Variants in PCDH15 observed in about 807,000 individuals in gnomAD.
The protein encoded by PCDH15 is protocadherin-15.
PCDH15 carries 129 observed loss-of-function variants against 178.5 expected under a neutral mutation model. That is an observed-to-expected ratio of 0.72 (90% CI 0.63 to 0.84). The LOEUF is 0.84. PCDH15 is among the 40% of genes least tolerant of loss of function. The pLI, the probability that PCDH15 is intolerant of heterozygous loss-of-function variation, is 0.00. For synonymous variants in PCDH15, 800 were observed against 732.0 expected (o/e 1.09, Z -1.50); for missense variants, 2,230 against 2,099.9 (o/e 1.06, Z -1.21).
intron 2 of PCDH15, among the ~76,000 whole-genome samples, chr10:54,998,406 A>G (rs938622608): frequency 6.6e-6 from 1 of 152,122 alleles, no homozygotes. Context: ...AAAAAAAAGA[A>G]AAATGTAGTT....
chr10:55,300,850 A>G (rs1038069035), intron 1 of PCDH15, among the ~76,000 whole-genome samples: 1 of 152,190 alleles, frequency 6.6e-6, no homozygotes, highest in Non-Finnish European at 1.5e-5. Context: ...GACCGAAGAC[A>G]ACATATTGCA....
chr10:54,087,827 G>A (rs1482915082), intron 16 of PCDH15, among the ~76,000 whole-genome samples: 4 of 152,124 alleles, frequency 2.6e-5, no homozygotes, highest in Non-Finnish European at 5.9e-5. Context: ...GCTCATGGGG[G>A]CAGTTTCTCA....
At chr10:55,474,719 G>A (rs1470068491) in intron 2 of PCDH15, among the ~76,000 whole-genome samples, 1 of 152,126 alleles carries the variant, frequency 6.6e-6, no homozygotes, top group Non-Finnish European at 1.5e-5. Context: ...ACAATTTGCT[G>A]CCTCTCAATT....
chr10:53,964,963 C>G (rs1335979392), intron 21 of PCDH15, among the ~76,000 whole-genome samples: 1 of 151,970 alleles, frequency 6.6e-6, no homozygotes, highest in Non-Finnish European at 1.5e-5. Flanking sequence ...GAGTTGTTAG[C>G]TATCAGTTTG....
intron 1 of PCDH15, among the ~76,000 whole-genome samples, chr10:55,202,814 C>A (rs1033933107): frequency 6.6e-6 from 1 of 152,100 alleles, no homozygotes; most frequent in Admixed American, 6.5e-5. Flanking sequence ...TTTGGAAGTT[C>A]CTGCTTCGCT....
intron 8 of PCDH15, among the ~76,000 whole-genome samples, chr10:54,269,117 CTG>C (rs1335623346): frequency 6.6e-6 from 1 of 151,804 alleles, no homozygotes; most frequent in Non-Finnish European, 1.5e-5. Flanking sequence ...AAAATTTAAT[CTG>C]GAGAATATAT....
At chr10:54,744,949 A>T (rs1005869078) in intron 1 of PCDH15, among the ~76,000 whole-genome samples, 11 of 151,812 alleles carry the variant, frequency 7.2e-5, no homozygotes, top group Non-Finnish European at 1.3e-4. Flanking sequence ...TGTGTGTGTG[A>T]ATGTTTCTCA....
intron 1 of PCDH15, among the ~76,000 whole-genome samples, chr10:55,273,727 A>G (rs1437884607): frequency 6.6e-6 from 1 of 152,118 alleles, no homozygotes; most frequent in Non-Finnish European, 1.5e-5. Flanking sequence ...TAATTTATAG[A>G]GAGATGTAGA....
At chr10:55,449,391 T>C (rs1386338133) in intron 2 of PCDH15, among the ~76,000 whole-genome samples, 4 of 151,962 alleles carry the variant, frequency 2.6e-5, no homozygotes, top group South Asian at 2.1e-4. Context: ...TAACAAATCA[T>C]AGGAGACTCA....
At chr10:53,881,007 C>T (rs1274323021) in intron 26 of PCDH15, among the ~76,000 whole-genome samples, 8 of 152,086 alleles carry the variant, frequency 5.3e-5, no homozygotes, top group Non-Finnish European at 1.0e-4. Context: ...TGTTTAAAAA[C>T]ACACATATGT....
intron 2 of PCDH15, among the ~76,000 whole-genome samples, chr10:55,581,489 G>GT (rs35484370): frequency 0.74 from 112,117 of 151,228 alleles, 42,408 homozygotes; most frequent in East Asian, 0.99. Context: ...TATTTGCTCT[G>GT]TTTTTTTTAA....
At chr10:54,776,322 TA>T (rs1949699195) in intron 1 of PCDH15, among the ~76,000 whole-genome samples, 1 of 152,242 alleles carries the variant, frequency 6.6e-6, no homozygotes, top group Admixed American at 6.5e-5. Flanking sequence ...CATTTTAATT[TA>T]AGGAGGTATT....
intron 3 of PCDH15, among the ~76,000 whole-genome samples, chr10:54,450,130 AAT>A (rs10526141): frequency 0.13 from 18,350 of 137,006 alleles, 1,249 homozygotes; most frequent in East Asian, 0.26. Context: ...CTTTTTTATA[AAT>A]ATATATATAT....
upstream of PCDH15, among the ~76,000 whole-genome samples, chr10:54,801,514 TTG>T (rs1206930814): frequency 4.5e-4 from 68 of 152,318 alleles, no homozygotes; most frequent in African/African-American, 1.6e-3. Flanking sequence ...CTGTTCTGTT[TTG>T]TGTGTTTGTT....
intron 1 of PCDH15, among the ~76,000 whole-genome samples, chr10:55,290,852 T>C (rs1166683173): frequency 6.6e-6 from 1 of 151,990 alleles, no homozygotes; most frequent in East Asian, 1.9e-4. Flanking sequence ...GAAAAAAAGA[T>C]GGGAGGAGGA....
intron 1 of PCDH15, among the ~76,000 whole-genome samples, chr10:54,733,342 A>G (rs1943661517): frequency 6.6e-6 from 1 of 151,620 alleles, no homozygotes; most frequent in African/African-American, 2.4e-5. Context: ...GAACATCTTT[A>G]AGTCAAAAAC....
chr10:54,999,677 C>T (rs4522075), intron 2 of PCDH15, among the ~76,000 whole-genome samples: 12 of 152,074 alleles, frequency 7.9e-5, no homozygotes, highest in Admixed American at 3.9e-4. Flanking sequence ...CAGGGCAGGA[C>T]GCCACAGTAC....
intron 8 of PCDH15, among the ~76,000 whole-genome samples, chr10:54,283,211 C>G (rs184180515): frequency 6.6e-6 from 1 of 152,122 alleles, no homozygotes; most frequent in African/African-American, 2.4e-5. Context: ...CTGGACTCTG[C>G]AGTATCCTTT....
intron 2 of PCDH15, among the ~76,000 whole-genome samples, chr10:55,581,204 GT>G (rs1842607817): frequency 6.6e-6 from 1 of 151,998 alleles, no homozygotes; most frequent in African/African-American, 2.4e-5. Context: ...TAAATGTTTA[GT>G]TTATGACTTG....
Sources: allele counts gnomAD v4.1 joint callset (sites outside exome capture counted in the v4.1 genomes callset), GRCh38; gene constraint gnomAD v4.1.1; transcripts MANE v1.5; gene names NCBI Gene and HGNC (gene_info 2026-07-23, HGNC 2026-07-21).